Variants in FRAS1 observed in about 807,000 individuals in gnomAD.
FRAS1 encodes the protein extracellular matrix organizing protein FRAS1.
A neutral mutation model predicts 435.2 loss-of-function variants in FRAS1; 290 were observed. The observed-to-expected ratio is 0.67, with a 90% CI of 0.61 to 0.73. FRAS1 has a LOEUF of 0.73. Among genes scored for constraint, FRAS1 ranks in the 30% least tolerant of loss-of-function variants. The pLI, the probability that FRAS1 is intolerant of heterozygous loss-of-function variation, is 0.00. For missense variants in FRAS1, 4,860 were observed against 5,001.5 expected, an observed-to-expected ratio of 0.97 and a Z score of 0.85; for synonymous variants, 1,800 against 1,851.0, an observed-to-expected ratio of 0.97 and a Z score of 0.71.
At chr4:78,168,526 G>C (rs1300493477) in intron 2 of FRAS1, among the ~76,000 whole-genome samples, 3 of 151,372 alleles carry the variant, frequency 2.0e-5, no homozygotes, top group Non-Finnish European at 4.4e-5. Context: ...TTTTCCTTGA[G>C]TAGGCACAGT....
chr4:78,385,210 T>C (rs914184709), intron 28 of FRAS1, among the ~76,000 whole-genome samples: 1 of 152,122 alleles, frequency 6.6e-6, no homozygotes, highest in Non-Finnish European at 1.5e-5. Flanking sequence ...GCTTGAGGGA[T>C]TGAAGAGCCG....
chr4:78,465,959 C>A lies in FRAS1; in HGVS notation c.7030-249C>A, dbSNP rs1277270257. Among the ~76,000 whole-genome samples, 4 of 152,300 alleles carry A rather than the reference C, an allele frequency of 2.6e-5. No homozygotes were observed. The East Asian group carries it at 7.7e-4, about 29-fold the overall frequency. ...GAGGTTAAAAATTCAGGCTTTCCCC[C>A]ATGACCTGAAGAGAAGAAATTTAAA... is the stretch of plus-strand genomic sequence containing the variant. On this transcript the variant is annotated intron_variant, in intron 49 of 73. Coordinates refer to ENST00000512123, the MANE Select transcript of FRAS1 (RefSeq NM_025074.7).
At chr4:78,427,020 C>A in intron 35 of FRAS1, among the ~76,000 whole-genome samples, 1 of 152,274 alleles carries the variant, frequency 6.6e-6, no homozygotes, top group Middle Eastern at 3.4e-3. Flanking sequence ...GGACTTCCTC[C>A]CTGGTATGGT....
At chr4:78,238,915 A>T (rs1199970182) in intron 3 of FRAS1, among the ~76,000 whole-genome samples, 3 of 152,210 alleles carry the variant, frequency 2.0e-5, no homozygotes, top group African/African-American at 7.2e-5. Context: ...TTATGATCTA[A>T]GAGTGGCTTT....
At chr4:78,375,038 A>T (rs1731698704) in intron 25 of FRAS1, among the ~76,000 whole-genome samples, 1 of 152,202 alleles carries the variant, frequency 6.6e-6, no homozygotes, top group Non-Finnish European at 1.5e-5. Context: ...GGCCCTTTAA[A>T]CTATACCGTA....
intron 6 of FRAS1, among the ~76,000 whole-genome samples, chr4:78,258,694 TTTTA>T (rs921614726): frequency 6.0e-5 from 9 of 149,692 alleles, no homozygotes; most frequent in African/African-American, 1.9e-4. Context: ...TTATTTTTAT[TTTTA>T]TTTATTTATC....
chr4:78,132,714 G>T (rs1719738219), intron 2 of FRAS1, among the ~76,000 whole-genome samples: 1 of 152,164 alleles, frequency 6.6e-6, no homozygotes, highest in South Asian at 2.1e-4. Flanking sequence ...ACAAAGAAAG[G>T]ATGGTGGTAG....
At chr4:78,083,633 T>TG (rs906827376) in intron 2 of FRAS1, among the ~76,000 whole-genome samples, 21 of 150,380 alleles carry the variant, frequency 1.4e-4, no homozygotes, top group Non-Finnish European at 2.5e-4. Flanking sequence ...TCTGTTTTTT[T>TG]TTTTTTTTTT....
intron 59 of FRAS1, among the ~76,000 whole-genome samples, chr4:78,491,043 A>G (rs1720335787): frequency 6.6e-6 from 1 of 152,250 alleles, no homozygotes; most frequent in African/African-American, 2.4e-5. Flanking sequence ...ATGCAAATAA[A>G]CTAGAAAATC....
In FRAS1 at chr4:78,346,580, C is replaced by T. The variant is rs573572640; in HGVS notation, c.2422+8763C>T. On this transcript the variant is annotated intron_variant, in intron 20 of 73. Transcript: ENST00000512123. ...TTCTCGACATCATTTTATTCACTTCCTTTTGATGCTTTGTGGTTTTGACCC... is the reference window on the plus strand; with the variant it reads ...TTCTCGACATCATTTTATTCACTTCTTTTTGATGCTTTGTGGTTTTGACCC... Among the ~76,000 whole-genome samples, 5 of 152,178 alleles carry T rather than the reference C, an allele frequency of 3.3e-5. No homozygotes were observed. The East Asian group carries it at 9.7e-4, about 29-fold the overall frequency.
chr4:78,536,376 C>T (rs904313362), intron 71 of FRAS1, among the ~76,000 whole-genome samples: 15 of 152,114 alleles, frequency 9.9e-5, no homozygotes, highest in Admixed American at 9.8e-4. Context: ...CTTAACATGA[C>T]ATACCTTCCT....
intron 27 of FRAS1, among the ~76,000 whole-genome samples, chr4:78,380,529 T>C (rs1731972477): frequency 1.3e-5 from 2 of 152,166 alleles, no homozygotes; most frequent in African/African-American, 4.8e-5. Flanking sequence ...CTGGCTGCCT[T>C]CCCCACCCCA....
intron 2 of FRAS1, among the ~76,000 whole-genome samples, chr4:78,112,352 C>T (rs754430562): frequency 1.3e-5 from 2 of 152,152 alleles, no homozygotes; most frequent in Non-Finnish European, 2.9e-5. Flanking sequence ...TACATTTAGA[C>T]TTAACCTCTG....
At chr4:78,214,255 C>G (rs1723646401) in intron 2 of FRAS1, among the ~76,000 whole-genome samples, 1 of 152,200 alleles carries the variant, frequency 6.6e-6, no homozygotes, top group Non-Finnish European at 1.5e-5. Flanking sequence ...CATAAATCTT[C>G]TTGCTTAACT....
At chr4:78,101,904 C>T (rs1295085885) in intron 2 of FRAS1, among the ~76,000 whole-genome samples, 4 of 152,116 alleles carry the variant, frequency 2.6e-5, no homozygotes, top group African/African-American at 4.8e-5. Flanking sequence ...TCATTCCGCT[C>T]GTGTCCATTT....
At position 78,255,352 on chromosome 4, in the gene FRAS1, T is replaced by C. The variant is rs765317082; in HGVS notation, c.580T>C (p.Cys194Arg). ...NGVAQCFTAQ[C>R]QPLFCNQDET... Reference sequence around the variant, plus strand: ...GGTTGCCCAGTGCTTCACAGCTCAGTGTCAGCCTCTATTTTGTAACCAGGT... The same window carrying C: ...GGTTGCCCAGTGCTTCACAGCTCAGCGTCAGCCTCTATTTTGTAACCAGGT... Residue 194 changes from cysteine to arginine, a missense_variant, in exon 6 of 74, where the codon TGT (cysteine) becomes CGT (arginine). By Grantham distance (180) the Cys-to-Arg change is radical. Coordinates refer to ENST00000512123, the MANE Select transcript of FRAS1 (RefSeq NM_025074.7). 1 of 1,592,252 alleles carries C rather than the reference T, an allele frequency of 6.3e-7. No homozygotes were observed. Among genetic ancestry groups the C allele is most frequent in the Admixed American group, 1.8e-5 (1 of 56,904 alleles).
At position 78,540,942 on chromosome 4, in the gene FRAS1, G is replaced by C; in HGVS notation, c.11857G>C (p.Glu3953Gln). The C allele has an allele frequency of 1.2e-6, 2 of 1,614,014 alleles. No homozygotes were observed. The highest frequency in any genetic ancestry group is 1.7e-6 in the Non-Finnish European group (2 of 1,179,894). ...LEEYPLNTKV[E>Q]VPKRHPDRVE... is the part of the protein sequence containing the mutation. Reference sequence around the variant, plus strand: ...AGAATATCCTCTGAATACCAAGGTAGAAGTGCCCAAGAGGCACCCGGACCG... The same window carrying C: ...AGAATATCCTCTGAATACCAAGGTACAAGTGCCCAAGAGGCACCCGGACCG... Residue 3953 changes from glutamate (E) to glutamine (Q), a missense_variant, in exon 74 of 74, where the codon GAA (glutamate) becomes CAA (glutamine). Physicochemically the swap from Glu to Gln is conservative, Grantham distance 29. Coordinates refer to ENST00000512123, the MANE Select transcript of FRAS1 (RefSeq NM_025074.7).
chr4:78,330,055 ATGT>A (rs1160878442), intron 18 of FRAS1, among the ~76,000 whole-genome samples: 3 of 152,202 alleles, frequency 2.0e-5, no homozygotes, highest in African/African-American at 7.2e-5. Flanking sequence ...AAGGGGAGAG[ATGT>A]TGTGGGAAGT....
intron 2 of FRAS1, among the ~76,000 whole-genome samples, chr4:78,221,960 C>T (rs1029849962): frequency 3.9e-5 from 6 of 152,202 alleles, no homozygotes; most frequent in African/African-American, 7.2e-5. Flanking sequence ...CTGGAAGTCT[C>T]AGGTTTATCC....
Sources: allele counts gnomAD v4.1 joint callset (sites outside exome capture counted in the v4.1 genomes callset), GRCh38; gene constraint gnomAD v4.1.1; transcripts MANE v1.5; gene names NCBI Gene and HGNC (gene_info 2026-07-23, HGNC 2026-07-21).